Variants in DCLK1 observed in about 807,000 individuals in gnomAD.
The protein encoded by DCLK1 is doublecortin like kinase 1.
Under a neutral mutation model 86.2 loss-of-function variants are expected in DCLK1, and 16 were observed. The ratio of observed to expected loss-of-function variants is 0.19; its 90% confidence interval spans 0.13 to 0.28. The LOEUF (loss-of-function observed/expected upper bound fraction) is 0.28. Ranked by LOEUF, DCLK1 falls within the 10% of genes least tolerant of loss-of-function variation. The pLI is 1.00. For missense variants in DCLK1, 590 were observed against 940.2 expected, an observed-to-expected ratio of 0.63 and a Z score of 4.87; for synonymous variants, 369 against 370.5, an observed-to-expected ratio of 1.00 and a Z score of 0.05.
rs149346512 is a variant in DCLK1, at chr13:36,073,251, T to C, written c.723+38618A>G. Among the ~76,000 whole-genome samples the C allele has an allele frequency of 2.0e-5, 3 of 152,336 alleles. No homozygotes were observed. The East Asian group carries it at 5.8e-4, about 29-fold the overall frequency. ...CCTGTTTGCAGTCATGCTATCCTCC[T>C]ACGTCCAGCCCCAGACAACCACTAA... On this transcript the variant is annotated intron_variant, in intron 3 of 16. Transcript: ENST00000360631.
At chr13:35,847,345 C>A (rs1266872553) in intron 6 of DCLK1, 1 of 984,900 alleles carries the variant, frequency 1.0e-6, no homozygotes, top group Non-Finnish European at 1.2e-6. Flanking sequence ...TATAATTCCA[C>A]AAGAGCCAGT....
chr13:36,028,458 G>T (rs1882130853), intron 3 of DCLK1, among the ~76,000 whole-genome samples: 1 of 152,150 alleles, frequency 6.6e-6, no homozygotes, highest in Non-Finnish European at 1.5e-5. Flanking sequence ...AGCTTCATAT[G>T]AGACTCCTGG....
chr13:35,829,588 A>C (rs1227299002), intron 8 of DCLK1, among the ~76,000 whole-genome samples: 2 of 152,182 alleles, frequency 1.3e-5, no homozygotes, highest in Non-Finnish European at 2.9e-5. Context: ...ATGTGTTTTG[A>C]GGGCATTCTA....
rs1307942091 is a variant in DCLK1 at position 35,864,381 on chromosome 13, C to T, written c.940+6843G>A. ...GAGATCGAGACCATCCCGGCTAAAA[C>T]GGTGAAACCCCGTCTCTACTAAAAA... On this transcript the variant is annotated intron_variant, in intron 5 of 16. Coordinates refer to ENST00000360631, the MANE Select transcript of DCLK1 (RefSeq NM_001330071.2). 2.4e-4 allele frequency among the ~76,000 whole-genome samples: 28 copies of T among 118,094 alleles called. 6 individuals are homozygous for T. Among genetic ancestry groups the T allele is most frequent in the Admixed American group, 2.0e-3 (22 of 11,110 alleles). The allele number at this position is 118,094 out of a possible 152,430, so 77.5% of individuals were successfully genotyped here.
chr13:35,861,348 T>C (rs1221301016), intron 5 of DCLK1, among the ~76,000 whole-genome samples: 1 of 152,202 alleles, frequency 6.6e-6, no homozygotes, highest in Non-Finnish European at 1.5e-5. Context: ...GAACAGGCTA[T>C]GGTCATGATA....
At chr13:35,865,333 C>A (rs1871714875) in intron 5 of DCLK1, among the ~76,000 whole-genome samples, 1 of 152,110 alleles carries the variant, frequency 6.6e-6, no homozygotes, top group Non-Finnish European at 1.5e-5. Flanking sequence ...AAGAATCAAA[C>A]CCATATGAAA....
chr13:35,871,564 G>C (rs980005146), intron 4 of DCLK1, among the ~76,000 whole-genome samples: 2 of 152,056 alleles, frequency 1.3e-5, no homozygotes, highest in African/African-American at 4.8e-5. Flanking sequence ...ATCCCCCTAG[G>C]TTACACTCCT....
intron 3 of DCLK1, among the ~76,000 whole-genome samples, chr13:35,998,400 AC>A (rs1880566464): frequency 1.3e-5 from 2 of 152,024 alleles, no homozygotes; most frequent in South Asian, 4.1e-4. Flanking sequence ...GAAACCTCAC[AC>A]CCACATTGAT....
intron 3 of DCLK1, among the ~76,000 whole-genome samples, chr13:36,056,877 C>A (rs1457915136): frequency 4.6e-5 from 5 of 109,518 alleles, no homozygotes; most frequent in African/African-American, 1.8e-4. Context: ...GCCTGGGCGA[C>A]AGAGCAAGAC....
chr13:35,870,786 C>T (rs1872218885), intron 5 of DCLK1, among the ~76,000 whole-genome samples: 3 of 152,186 alleles, frequency 2.0e-5, no homozygotes, highest in South Asian at 4.1e-4. Context: ...CTCTCAATCT[C>T]ACTACCTTTA....
chr13:36,047,749 C>G (rs1882970856), intron 3 of DCLK1, among the ~76,000 whole-genome samples: 1 of 151,904 alleles, frequency 6.6e-6, no homozygotes, highest in Non-Finnish European at 1.5e-5. Context: ...AGTATAAATT[C>G]AAGAGATCTA....
intron 3 of DCLK1, among the ~76,000 whole-genome samples, chr13:36,101,622 C>G (rs543985676): frequency 6.6e-6 from 1 of 152,300 alleles, no homozygotes; most frequent in South Asian, 2.1e-4. Flanking sequence ...TTGTTGAAAT[C>G]ACATTCTGAC....
At chr13:36,028,398 C>T (rs750766945) in intron 3 of DCLK1, among the ~76,000 whole-genome samples, 2 of 152,288 alleles carry the variant, frequency 1.3e-5, no homozygotes, top group East Asian at 1.9e-4. Context: ...CAATGTTCCA[C>T]GTTTCCCTTT....
chr13:36,056,958 A>G (rs1436979761), intron 3 of DCLK1, among the ~76,000 whole-genome samples: 1 of 150,016 alleles, frequency 6.7e-6, no homozygotes, highest in African/African-American at 2.4e-5. Context: ...CTCCTTTTTT[A>G]CACAAATGGC....
chr13:35,925,265 T>C (rs1876047884), intron 4 of DCLK1, among the ~76,000 whole-genome samples: 1 of 152,232 alleles, frequency 6.6e-6, no homozygotes, highest in East Asian at 1.9e-4. Context: ...TACGGGCATC[T>C]TGGGTCAAGA....
chr13:36,089,426 C>A (rs566331211), intron 3 of DCLK1, among the ~76,000 whole-genome samples: 1 of 152,280 alleles, frequency 6.6e-6, no homozygotes, highest in East Asian at 1.9e-4. Context: ...GGAAACATAA[C>A]CTTGGTTCCA....
chr13:36,066,789 C>CA (rs1312629136), intron 3 of DCLK1, among the ~76,000 whole-genome samples: 7 of 151,804 alleles, frequency 4.6e-5, no homozygotes, highest in African/African-American at 1.7e-4. Flanking sequence ...TTTATGCAGC[C>CA]AAAAAACACA....
intron 6 of DCLK1, chr13:35,848,549 A>G: frequency 2.0e-6 from 2 of 985,322 alleles, no homozygotes; most frequent in Non-Finnish European, 2.4e-6. Flanking sequence ...CATGATATCT[A>G]TCGGCAATTA....
chr13:36,015,796 C>G (rs926775887), intron 3 of DCLK1, among the ~76,000 whole-genome samples: 2 of 152,144 alleles, frequency 1.3e-5, no homozygotes, highest in Non-Finnish European at 2.9e-5. Flanking sequence ...AATCCAATTG[C>G]CTTCTCCATC....
Sources: allele counts gnomAD v4.1 joint callset (sites outside exome capture counted in the v4.1 genomes callset), GRCh38; gene constraint gnomAD v4.1.1; transcripts MANE v1.5; gene names NCBI Gene and HGNC (gene_info 2026-07-23, HGNC 2026-07-21).